Variants in PCDH9 observed in about 807,000 individuals in gnomAD.
The protein encoded by PCDH9 is protocadherin 9.
A neutral mutation model predicts 70.6 loss-of-function variants in PCDH9; 24 were observed. The observed-to-expected ratio is 0.34, with a 90% CI of 0.25 to 0.48. The LOEUF (loss-of-function observed/expected upper bound fraction) is 0.48, where lower values mean the gene tolerates loss of function less well. PCDH9 is among the 20% of genes least tolerant of loss of function. The pLI is 0.99. For missense variants in PCDH9, 1,281 were observed against 1,503.6 expected (o/e 0.85, Z 2.45); for synonymous variants, 562 against 558.5 (o/e 1.01, Z -0.09).
At chr13:66,976,737 G>A (rs542058158) in intron 2 of PCDH9, among the ~76,000 whole-genome samples, 59 of 152,172 alleles carry the variant, frequency 3.9e-4, no homozygotes, top group African/African-American at 1.4e-3. Context: ...TTTGTCATTT[G>A]TATGACCTGT....
chr13:66,893,289 G>GAGGT (rs1385398037), intron 3 of PCDH9, among the ~76,000 whole-genome samples: 5 of 152,132 alleles, frequency 3.3e-5, no homozygotes, highest in African/African-American at 1.2e-4. Flanking sequence ...TCTAACAGAA[G>GAGGT]AGGTAACTGA....
chr13:66,794,718 G>C (rs1023203577), intron 3 of PCDH9, among the ~76,000 whole-genome samples: 1 of 152,094 alleles, frequency 6.6e-6, no homozygotes, highest in Non-Finnish European at 1.5e-5. Context: ...ATTGCAGCCT[G>C]TTAACTCTCT....
At chr13:66,933,892 C>CAA (rs10570715) in intron 2 of PCDH9, among the ~76,000 whole-genome samples, 73 of 101,298 alleles carry the variant, frequency 7.2e-4, no homozygotes, top group African/African-American at 2.9e-3. Context: ...ATAAGCTAGG[C>CAA]AAAAAAAAAA....
intron 3 of PCDH9, among the ~76,000 whole-genome samples, chr13:66,659,494 A>G (rs1384249305): frequency 6.8e-6 from 1 of 147,266 alleles, no homozygotes; most frequent in Non-Finnish European, 1.5e-5. Context: ...AACATTTGAA[A>G]CCAGATACAG....
chr13:67,208,994 A>C (rs2138076135), intron 2 of PCDH9: 1 of 152,268 alleles, frequency 6.6e-6, no homozygotes, highest in African/African-American at 2.4e-5. Flanking sequence ...AGATTGTGTA[A>C]GTATTATATA....
chr13:67,227,144 T>C lies in PCDH9; in HGVS notation c.1297A>G (p.Lys433Glu). ...GCAACAATTTTAAAGCTGAATTCTT[T>C]GGTGCCCTCATAGTCCAACAAAGAA... ...TSSLLDYEGT[K>E]EFSFKIVASD... The change falls in exon 2 of 5, where the codon AAA becomes GAA. Residue 433 changes from lysine to glutamate, a missense_variant. Coordinates refer to ENST00000377865, the MANE Select transcript of PCDH9 (RefSeq NM_203487.3). This position sits in a 1 kb window ranked among gnomAD's most constrained non-coding sequence, Gnocchi z 4.6. 11 of 1,614,006 alleles carry C rather than the reference T, an allele frequency of 6.8e-6. No homozygotes were observed. Among genetic ancestry groups the C allele is most frequent in the Non-Finnish European group, 9.3e-6 (11 of 1,179,876 alleles).
At chr13:67,181,104 C>A (rs1223534544) in intron 2 of PCDH9, among the ~76,000 whole-genome samples, 1 of 152,140 alleles carries the variant, frequency 6.6e-6, no homozygotes, top group South Asian at 2.1e-4. Context: ...TGGCCTTTAC[C>A]TTAGGTGCGG....
chr13:66,972,672 C>T (rs1206133151), intron 2 of PCDH9, among the ~76,000 whole-genome samples: 1 of 151,996 alleles, frequency 6.6e-6, no homozygotes, highest in Non-Finnish European at 1.5e-5. Flanking sequence ...ATGGCAGTTT[C>T]CACAAGTGTC....
intron 3 of PCDH9, among the ~76,000 whole-genome samples, chr13:66,760,821 G>C (rs913519671): frequency 3.3e-5 from 5 of 152,202 alleles, no homozygotes; most frequent in East Asian, 1.9e-4. Context: ...GGGAGGTCTC[G>C]AAAATGGCTG....
At chr13:66,797,019 G>C (rs1272466458) in intron 3 of PCDH9, among the ~76,000 whole-genome samples, 1 of 152,030 alleles carries the variant, frequency 6.6e-6, no homozygotes, top group East Asian at 1.9e-4. Flanking sequence ...CTTATTAGAG[G>C]AATTTAAAGA....
At chr13:67,054,985 T>C (rs1360404075) in intron 2 of PCDH9, among the ~76,000 whole-genome samples, 1 of 152,214 alleles carries the variant, frequency 6.6e-6, no homozygotes, top group Non-Finnish European at 1.5e-5. Flanking sequence ...AACCGTATGA[T>C]TTTAAATTTA....
intron 2 of PCDH9, among the ~76,000 whole-genome samples, chr13:66,935,692 C>G (rs1166980181): frequency 6.6e-6 from 1 of 151,974 alleles, no homozygotes; most frequent in African/African-American, 2.4e-5. Context: ...TTAGCTCAAA[C>G]TAAAGGAAAC....
At chr13:66,841,483 T>C (rs1261364939) in intron 3 of PCDH9, among the ~76,000 whole-genome samples, 10 of 152,214 alleles carry the variant, frequency 6.6e-5, no homozygotes, top group Non-Finnish European at 1.5e-4. Flanking sequence ...GAATTAGCTA[T>C]AGGTTATAAA....
At chr13:66,638,688 A>T (rs1160889512) in intron 3 of PCDH9, among the ~76,000 whole-genome samples, 1 of 152,232 alleles carries the variant, frequency 6.6e-6, no homozygotes, top group Non-Finnish European at 1.5e-5. Flanking sequence ...ATGAGCTTAC[A>T]GTAAATATTT....
intron 3 of PCDH9, among the ~76,000 whole-genome samples, chr13:66,862,032 T>A (rs1213644117): frequency 6.6e-6 from 1 of 152,162 alleles, no homozygotes; most frequent in Non-Finnish European, 1.5e-5. Context: ...ACTTTAACAG[T>A]CTCATTTGTT....
chr13:66,919,374 G>A (rs1566292971), intron 2 of PCDH9, among the ~76,000 whole-genome samples: 1 of 151,236 alleles, frequency 6.6e-6, no homozygotes, highest in East Asian at 1.9e-4. Flanking sequence ...CTTGGCATCT[G>A]AAGCAAATAT....
chr13:66,463,691 A>C (rs1007603384), intron 4 of PCDH9, among the ~76,000 whole-genome samples: 1 of 151,798 alleles, frequency 6.6e-6, no homozygotes, highest in South Asian at 2.1e-4. Flanking sequence ...TTTGAAAGAA[A>C]ATGTGTGTTG....
At chr13:66,807,738 G>C (rs1050867976) in intron 3 of PCDH9, among the ~76,000 whole-genome samples, 4 of 152,084 alleles carry the variant, frequency 2.6e-5, no homozygotes, top group African/African-American at 9.7e-5. Flanking sequence ...AATAATATAT[G>C]TCAGGCCCTT....
intron 2 of PCDH9, among the ~76,000 whole-genome samples, chr13:67,144,810 T>A (rs974848812): frequency 3.9e-5 from 6 of 152,140 alleles, no homozygotes; most frequent in African/African-American, 1.4e-4. Context: ...TGTAACTCAC[T>A]AAGTACTTTC....
Sources: allele counts gnomAD v4.1 joint callset (sites outside exome capture counted in the v4.1 genomes callset), GRCh38; gene constraint gnomAD v4.1.1; non-coding constraint Gnocchi (gnomAD v3.1); transcripts MANE v1.5; gene names NCBI Gene and HGNC (gene_info 2026-07-23, HGNC 2026-07-21).